Variants in HYCC1 observed in about 807,000 individuals in gnomAD.
HYCC1 encodes the protein hyccin.
chr7:22,910,137 A>G, the HYCC1 span, among the ~76,000 whole-genome samples: 1 of 152,230 alleles, frequency 6.6e-6, no homozygotes, highest in African/African-American at 2.4e-5. Flanking sequence ...TGTGTTTCAG[A>G]TCTTTCTCCT....
At chr7:22,925,407 C>A in the HYCC1 span, among the ~76,000 whole-genome samples, 1 of 152,014 alleles carries the variant, frequency 6.6e-6, no homozygotes, top group Non-Finnish European at 1.5e-5. Flanking sequence ...AAGTTCGAAC[C>A]AACGGCAAAG....
At chr7:23,010,510 C>G in the HYCC1 span, among the ~76,000 whole-genome samples, 2,449 of 152,116 alleles carry the variant, frequency 0.016, 70 homozygotes, top group African/African-American at 0.056. Flanking sequence ...CAGTGGTTTC[C>G]TGGGGATAAG....
the HYCC1 span, among the ~76,000 whole-genome samples, chr7:22,992,278 A>G: frequency 6.6e-6 from 1 of 151,982 alleles, no homozygotes; most frequent in Admixed American, 6.6e-5. Context: ...TGATTAAAAC[A>G]TTTTTTGGTC....
chr7:22,984,661 G>A, the HYCC1 span, among the ~76,000 whole-genome samples: 3 of 152,312 alleles, frequency 2.0e-5, no homozygotes, highest in Non-Finnish European at 4.4e-5. Flanking sequence ...GGTCAACGCT[G>A]CAGAGAGCCA....
At chr7:22,920,181 C>T in the HYCC1 span, among the ~76,000 whole-genome samples, 1 of 151,786 alleles carries the variant, frequency 6.6e-6, no homozygotes, top group Non-Finnish European at 1.5e-5. Flanking sequence ...CCTGCCTCCA[C>T]AAAAAAATAT....
the HYCC1 span, among the ~76,000 whole-genome samples, chr7:22,969,035 G>T: frequency 9.9e-5 from 15 of 152,052 alleles, no homozygotes; most frequent in Non-Finnish European, 1.6e-4. Context: ...GCTGCCTGAG[G>T]TCACTGTTCT....
the HYCC1 span, among the ~76,000 whole-genome samples, chr7:22,927,939 A>T: frequency 6.6e-6 from 1 of 152,222 alleles, no homozygotes; most frequent in Non-Finnish European, 1.5e-5. Context: ...ATCCTCAATA[A>T]AATACTGGCA....
At chr7:22,924,180 A>AC in the HYCC1 span, among the ~76,000 whole-genome samples, 1 of 145,716 alleles carries the variant, frequency 6.9e-6, no homozygotes, top group African/African-American at 2.5e-5. Flanking sequence ...TCTGTATCAA[A>AC]AAAAAAAAAA....
At chr7:22,897,251 T>TACGTGGAACTAGGACATATG in the HYCC1 span, among the ~76,000 whole-genome samples, 1 of 151,594 alleles carries the variant, frequency 6.6e-6, no homozygotes, top group Non-Finnish European at 1.5e-5. Flanking sequence ...ATGAGGGAGG[T>TACGTGGAACTAGGACATATG]ACGTGGAACT....
At chr7:22,933,030 C>A in the HYCC1 span, among the ~76,000 whole-genome samples, 1 of 152,116 alleles carries the variant, frequency 6.6e-6, no homozygotes, top group African/African-American at 2.4e-5. Context: ...CCAGGAACCA[C>A]CAGAAGTTAG....
At chr7:22,901,424 C>T in the HYCC1 span, among the ~76,000 whole-genome samples, 1 of 151,974 alleles carries the variant, frequency 6.6e-6, no homozygotes, top group Non-Finnish European at 1.5e-5. Flanking sequence ...GGTGTAAACA[C>T]ACCAATTAGA....
the HYCC1 span, among the ~76,000 whole-genome samples, chr7:23,008,861 A>T: frequency 6.6e-6 from 1 of 151,996 alleles, no homozygotes; most frequent in African/African-American, 2.4e-5. Flanking sequence ...AAAGATGTAA[A>T]TTTTTTTAAA....
the HYCC1 span, among the ~76,000 whole-genome samples, chr7:22,922,804 G>A: frequency 1.3e-5 from 2 of 152,026 alleles, no homozygotes; most frequent in Non-Finnish European, 2.9e-5. Context: ...AAACAAAAAA[G>A]CACTAGAAAT....
At chr7:22,918,043 AG>A in the HYCC1 span, among the ~76,000 whole-genome samples, 3 of 152,162 alleles carry the variant, frequency 2.0e-5, no homozygotes, top group Admixed American at 6.5e-5. Flanking sequence ...TTAAAAAAAG[AG>A]GACTCTGTAT....
At chr7:22,946,409 C>A in the HYCC1 span, among the ~76,000 whole-genome samples, 1 of 151,920 alleles carries the variant, frequency 6.6e-6, no homozygotes, top group South Asian at 2.1e-4. Flanking sequence ...AACCATACCC[C>A]ATTAAGTTTT....
At chr7:22,946,014 G>T in the HYCC1 span, 1 of 1,613,578 alleles carries the variant, frequency 6.2e-7, no homozygotes, top group African/African-American at 1.3e-5. Context: ...GACCGTCTGT[G>T]GTTCTTTCCT....
At chr7:22,899,937 T>C in the HYCC1 span, among the ~76,000 whole-genome samples, 1 of 152,166 alleles carries the variant, frequency 6.6e-6, no homozygotes, top group Non-Finnish European at 1.5e-5. Flanking sequence ...TAGAATAAAA[T>C]TGAACTGATT....
At chr7:22,930,472 C>A in the HYCC1 span, among the ~76,000 whole-genome samples, 16 of 146,882 alleles carry the variant, frequency 1.1e-4, no homozygotes, top group African/African-American at 3.8e-4. Context: ...AACTAGTAAT[C>A]AAAAAAAACT....
chr7:22,898,274 C>T, the HYCC1 span, among the ~76,000 whole-genome samples: 2 of 151,932 alleles, frequency 1.3e-5, no homozygotes, highest in Non-Finnish European at 2.9e-5. Context: ...AGTGCAGTGG[C>T]GCGATCTCGG....
Sources: allele counts gnomAD v4.1 joint callset (sites outside exome capture counted in the v4.1 genomes callset), GRCh38; gene constraint gnomAD v4.1.1; transcripts MANE v1.5; gene names NCBI Gene and HGNC (gene_info 2026-07-23, HGNC 2026-07-21).